The following LAMA2 variants were observed in gnomAD, a reference collection of about 807,000 sequenced individuals.
LAMA2 encodes laminin subunit alpha 2, also known as laminin subunit alpha-2.
A neutral mutation model predicts 364.8 loss-of-function variants in LAMA2; 269 were observed. The ratio of observed to expected loss-of-function variants is 0.74; its 90% CI spans 0.67 to 0.82. LAMA2 has a LOEUF of 0.82. Among genes scored for constraint, LAMA2 ranks in the 40% least tolerant of loss-of-function variants. LAMA2 has a pLI of 0.00. For missense variants in LAMA2, 3,807 were observed against 3,873.2 expected (o/e 0.98, Z 0.45); for synonymous variants, 1,379 against 1,370.6 (o/e 1.01, Z -0.14).
chr6:129,158,506 G>T, intron 8 of LAMA2: 3 of 1,614,046 alleles, frequency 1.9e-6, no homozygotes, highest in Non-Finnish European at 2.5e-6. Context: ...AGGTCTTTTA[G>T]TGATTTTCCA....
chr6:128,903,552 C>A (rs35822226), intron 1 of LAMA2, among the ~76,000 whole-genome samples: 21,476 of 152,034 alleles, frequency 0.14, 2,065 homozygotes, highest in African/African-American at 0.27. Context: ...AAATGAGATA[C>A]AACTTATGGA....
intron 1 of LAMA2, among the ~76,000 whole-genome samples, chr6:129,025,651 G>A (rs1027472295): frequency 2.0e-5 from 3 of 152,190 alleles, no homozygotes; most frequent in African/African-American, 4.8e-5. Context: ...CACTTCTTTC[G>A]ATATGATGTG....
intron 34 of LAMA2, among the ~76,000 whole-genome samples, chr6:129,371,516 G>A (rs1016046091): frequency 2.0e-5 from 3 of 151,944 alleles, no homozygotes; most frequent in African/African-American, 7.3e-5. Context: ...TATGACACTG[G>A]GGATAGAAGT....
At chr6:128,995,185 A>C (rs985722235) in intron 1 of LAMA2, among the ~76,000 whole-genome samples, 1 of 152,074 alleles carries the variant, frequency 6.6e-6, no homozygotes, top group Non-Finnish European at 1.5e-5. Context: ...ACTGTTTTCC[A>C]TTTTATTTTA....
chr6:129,163,821 A>G (rs1020059570), intron 8 of LAMA2, among the ~76,000 whole-genome samples: 5 of 152,150 alleles, frequency 3.3e-5, no homozygotes, highest in Admixed American at 2.6e-4. Context: ...TATCCAGTGA[A>G]TTATTAAATT....
At chr6:129,342,215 G>C (rs762036835) in intron 29 of LAMA2, 128 bp from the exon 30 acceptor site, 7 of 743,292 alleles carry the variant, frequency 9.4e-6, no homozygotes, top group Middle Eastern at 3.5e-4. Context: ...AAGTGTGTGT[G>C]TGAGTGTGTG....
At chr6:129,030,779 T>A (rs963292649) in intron 1 of LAMA2, among the ~76,000 whole-genome samples, 1 of 152,154 alleles carries the variant, frequency 6.6e-6, no homozygotes, top group East Asian at 1.9e-4. Context: ...GTGATTAAAT[T>A]GATTCACAAA....
intron 4 of LAMA2, among the ~76,000 whole-genome samples, chr6:129,137,494 A>G (rs1277288799): frequency 6.6e-6 from 1 of 152,054 alleles, no homozygotes; most frequent in Non-Finnish European, 1.5e-5. Context: ...ATTTACCTAA[A>G]CGTATGAAGA....
intron 1 of LAMA2, among the ~76,000 whole-genome samples, chr6:129,045,156 G>C (rs529791750): frequency 1.3e-5 from 2 of 152,162 alleles, no homozygotes; most frequent in African/African-American, 4.8e-5. Context: ...ATTTCATAAA[G>C]CAACTATTCC....
intron 1 of LAMA2, among the ~76,000 whole-genome samples, chr6:129,020,574 T>G (rs1234183737): frequency 6.6e-6 from 1 of 152,106 alleles, no homozygotes; most frequent in African/African-American, 2.4e-5. Context: ...AAGCAAAGGT[T>G]GTCATATCAT....
At chr6:128,968,678 C>A (rs571067198) in intron 1 of LAMA2, among the ~76,000 whole-genome samples, 79 of 152,174 alleles carry the variant, frequency 5.2e-4, no homozygotes, top group African/African-American at 1.9e-3. Flanking sequence ...TAGGGTATAG[C>A]TTCTCATGTT....
At chr6:129,431,368 C>T (rs900366056) in intron 41 of LAMA2, among the ~76,000 whole-genome samples, 1 of 148,852 alleles carries the variant, frequency 6.7e-6, no homozygotes, top group Non-Finnish European at 1.5e-5. Flanking sequence ...CACTGCACTT[C>T]AGCCTGGGCA....
At chr6:129,199,083 C>G (rs527575261) in intron 12 of LAMA2, among the ~76,000 whole-genome samples, 1 of 152,050 alleles carries the variant, frequency 6.6e-6, no homozygotes, top group Non-Finnish European at 1.5e-5. Flanking sequence ...CACTCATGAA[C>G]GTAGATGAAA....
At chr6:129,061,869 A>G (rs1408002161) in intron 3 of LAMA2, among the ~76,000 whole-genome samples, 1 of 152,230 alleles carries the variant, frequency 6.6e-6, no homozygotes, top group Non-Finnish European at 1.5e-5. Context: ...GATGGTGTCC[A>G]TCCATATCCT....
At chr6:129,177,398 G>A (rs1022240471) in intron 9 of LAMA2, among the ~76,000 whole-genome samples, 4 of 152,116 alleles carry the variant, frequency 2.6e-5, no homozygotes, top group South Asian at 2.1e-4. Context: ...CAGCATTAGC[G>A]TTTGTGGAAA....
At chr6:128,886,233 C>G (rs1197256535) in intron 1 of LAMA2, among the ~76,000 whole-genome samples, 1 of 151,948 alleles carries the variant, frequency 6.6e-6, no homozygotes. Flanking sequence ...TTAAAGGTCT[C>G]TATAGCCTTG....
At chr6:129,026,485 T>G (rs138625091) in intron 1 of LAMA2, among the ~76,000 whole-genome samples, 38 of 152,276 alleles carry the variant, frequency 2.5e-4, no homozygotes, top group African/African-American at 8.4e-4. Flanking sequence ...AATAAAGCAG[T>G]TTACAAACAA....
intron 15 of LAMA2, among the ~76,000 whole-genome samples, chr6:129,266,317 C>T (rs1461369045): frequency 2.6e-5 from 4 of 152,078 alleles, no homozygotes; most frequent in African/African-American, 7.2e-5. Context: ...TTAGAGCAGG[C>T]ACTGACACAG....
intron 58 of LAMA2, among the ~76,000 whole-genome samples, chr6:129,496,168 T>G (rs990441894): frequency 1.1e-4 from 17 of 152,172 alleles, no homozygotes; most frequent in Non-Finnish European, 2.5e-4. Flanking sequence ...TTTGTTTGTT[T>G]GTTTGTCTGT....
Sources: allele counts gnomAD v4.1 joint callset (sites outside exome capture counted in the v4.1 genomes callset), GRCh38; gene constraint gnomAD v4.1.1; transcripts MANE v1.5; gene names NCBI Gene and HGNC (gene_info 2026-07-23, HGNC 2026-07-21).